The following MBNL3 variants were observed in gnomAD, a reference collection of about 807,000 sequenced individuals.
The protein encoded by MBNL3 is muscleblind like splicing regulator 3.
A neutral mutation model predicts 24.5 loss-of-function variants in MBNL3; 6 were observed. The observed-to-expected ratio is 0.25, with a 90% CI of 0.13 to 0.48. The LOEUF is 0.48. Ranked by LOEUF, MBNL3 falls within the 20% of genes least tolerant of loss-of-function variation. The probability of loss-of-function intolerance (pLI) is 0.99; values close to 1 mark genes in which losing one functional copy is unlikely to be tolerated. For missense variants in MBNL3, 230 were observed against 293.5 expected (o/e 0.78, Z 1.58); for synonymous variants, 100 against 101.7 (o/e 0.98, Z 0.10).
chrX:132,401,971 G>A (rs1267347362), intron 3 of MBNL3, among the ~76,000 whole-genome samples: 2 of 111,455 alleles, frequency 1.8e-5, no homozygotes, highest in African/African-American at 3.3e-5. Flanking sequence ...AAGGTGGAGA[G>A]GGATCCAGGC....
chrX:132,404,871 G>A (rs1941529200), intron 3 of MBNL3, among the ~76,000 whole-genome samples: 1 of 111,506 alleles, frequency 9.0e-6, no homozygotes, highest in African/African-American at 3.3e-5. Context: ...TTGTATCACT[G>A]ATTAAATGGG....
At chrX:132,403,410 C>T (rs1407280515) in intron 3 of MBNL3, among the ~76,000 whole-genome samples, 1 of 111,598 alleles carries the variant, frequency 9.0e-6, no homozygotes, top group African/African-American at 3.3e-5. Flanking sequence ...CAATTGTTCC[C>T]TTGGGTCTTC....
chrX:132,486,804 G>A (rs757609153), intron 1 of MBNL3, among the ~76,000 whole-genome samples: 3 of 111,815 alleles, frequency 2.7e-5, no homozygotes, highest in Non-Finnish European at 5.6e-5. Context: ...AAAAGCAGCT[G>A]TTGTGAAATG....
intron 3 of MBNL3, among the ~76,000 whole-genome samples, chrX:132,402,531 G>A (rs1941112268): frequency 1.8e-5 from 2 of 111,565 alleles, no homozygotes; most frequent in Non-Finnish European, 3.8e-5. Context: ...ATTATGGCAA[G>A]GGGATACTTC....
At chrX:132,464,118 C>A (rs980654842) in intron 1 of MBNL3, among the ~76,000 whole-genome samples, 1 of 112,404 alleles carries the variant, frequency 8.9e-6, no homozygotes, top group Non-Finnish European at 1.9e-5. Flanking sequence ...ATTTTTTAAT[C>A]ATGGTTACTA....
intron 1 of MBNL3, among the ~76,000 whole-genome samples, chrX:132,468,606 C>T (rs1947011349): frequency 8.9e-6 from 1 of 112,311 alleles, no homozygotes. Flanking sequence ...TCATTTACTG[C>T]TCATAACTAC....
At chrX:132,443,984 T>G (rs1945534363) in intron 1 of MBNL3, among the ~76,000 whole-genome samples, 2 of 6,149 alleles carry the variant, frequency 3.3e-4, no homozygotes, top group African/African-American at 1.2e-3. Context: ...GACTCCAGAG[T>G]CCGCCCCCCC....
chrX:132,388,330 A>G (rs1004412079), intron 5 of MBNL3, among the ~76,000 whole-genome samples: 2 of 112,454 alleles, frequency 1.8e-5, no homozygotes, highest in Admixed American at 9.4e-5. Context: ...AAAATCATAA[A>G]CCATAAAACA....
In MBNL3 at chrX:132,390,346, G is replaced by C. The variant is rs372341281; in HGVS notation, c.771+501C>G. Among the ~76,000 whole-genome samples the C allele has an allele frequency of 6.5e-5, 7 of 107,075 alleles. No individual in the cohort carries two copies. In the East Asian group the frequency reaches 1.5e-3, roughly 22 times the overall value. The allele number at this position is 107,075 out of a possible 115,157, so 93.0% of individuals were successfully genotyped here. On this transcript the variant is annotated intron_variant, in intron 5 of 8. Coordinates refer to ENST00000370853, the MANE Select transcript of MBNL3 (RefSeq NM_001386889.1). ...TAGAAATTTCCCCCCAGACTAAGCA[G>C]GCTGCTGTCCTTGATACTATGCCTC...
intron 1 of MBNL3, among the ~76,000 whole-genome samples, chrX:132,473,640 C>T (rs1000002499): frequency 9.0e-6 from 1 of 110,663 alleles, no homozygotes; most frequent in African/African-American, 3.3e-5. Flanking sequence ...ACAAAAAAAA[C>T]CCATATGTAT....
intron 1 of MBNL3, among the ~76,000 whole-genome samples, chrX:132,459,447 A>G (rs1384568135): frequency 2.7e-5 from 3 of 111,550 alleles, no homozygotes; most frequent in African/African-American, 9.8e-5. Flanking sequence ...CTTCCTTAGA[A>G]TGGGAGAAAT....
In MBNL3 at chrX:132,439,557, C is replaced by T; in HGVS notation, c.55G>A (p.Val19Ile). 1 of 1,206,998 alleles carries T rather than the reference C, an allele frequency of 8.3e-7. No homozygotes were observed. The highest frequency in any genetic ancestry group is 1.1e-6 in the Non-Finnish European group (1 of 893,971). The change falls in exon 2 of 9, where the codon GTC (valine) becomes ATC (isoleucine). Residue 19 changes from valine to isoleucine, a missense_variant. Physicochemically the swap from Val to Ile is conservative, Grantham distance 29. Coordinates refer to ENST00000370853, the MANE Select transcript of MBNL3 (RefSeq NM_001386889.1). ...GTTCCTCTCTGAAATTCTCTACAGA[C>T]TTCTAAAGTCAGCCACTTGGTATCA... ...IRDTKWLTLE[V>I]CREFQRGTCS...
At chrX:132,417,788 AT>A (rs1382038736) in intron 2 of MBNL3, among the ~76,000 whole-genome samples, 2 of 112,102 alleles carry the variant, frequency 1.8e-5, no homozygotes, top group South Asian at 3.8e-4. Context: ...TGAAAAAAAA[AT>A]AAGTCAGTTT....
intron 1 of MBNL3, among the ~76,000 whole-genome samples, chrX:132,484,711 C>T (rs1283650688): frequency 9.0e-6 from 1 of 111,568 alleles, no homozygotes; most frequent in African/African-American, 3.3e-5. Context: ...ATGGGAGGCC[C>T]TTTATTTCTA....
chrX:132,391,099 T>G lies in MBNL3; in HGVS notation c.535-16A>C. 2.6e-6 allele frequency: 3 copies of G among 1,153,036 alleles called. No individual in the cohort carries two copies. Among genetic ancestry groups the G allele is most frequent in the Non-Finnish European group, 3.6e-6 (3 of 844,615 alleles). ...CTCGGCAAACCTTAGAACACACACA[T>G]GCACATACACACGCATCACACTGAT... On this transcript the variant is annotated splice_polypyrimidine_tract_variant and intron_variant, in intron 4 of 8. Coordinates refer to ENST00000370853, the MANE Select transcript of MBNL3 (RefSeq NM_001386889.1).
intron 2 of MBNL3, chrX:132,413,475 C>T (rs752596185): frequency 1.5e-4 from 174 of 1,156,286 alleles, no homozygotes; most frequent in Non-Finnish European, 1.9e-4. Context: ...CCCATTTTAC[C>T]TCTTTACCTT....
intron 3 of MBNL3, among the ~76,000 whole-genome samples, chrX:132,394,133 C>A (rs144326936): frequency 1.9e-3 from 208 of 111,304 alleles, no homozygotes; most frequent in African/African-American, 6.6e-3. Flanking sequence ...TTGCCAAGAG[C>A]CTTAAGTGGA....
At chrX:132,421,111 G>C (rs1437002735) in intron 2 of MBNL3, among the ~76,000 whole-genome samples, 5 of 111,551 alleles carry the variant, frequency 4.5e-5, no homozygotes, top group Non-Finnish European at 9.4e-5. Context: ...AACTTCTCTA[G>C]AAATAATTCC....
rs956863517 is a variant in MBNL3 at position 132,480,760 on chromosome X, A to T, written c.-704+8091T>A. 5.4e-5 allele frequency among the ~76,000 whole-genome samples: 6 copies of T among 111,445 alleles called. No homozygotes were observed. In the Admixed American group the frequency reaches 5.7e-4, roughly 11 times the overall value. On this transcript the variant is annotated intron_variant, in intron 1 of 8. Transcript: ENST00000370853. Reference sequence around the variant, plus strand: ...TTAATGAATGGTCCTCTCTCCGTGGATTTGGACTGTTGGTCCTTCCAACCA... The same window carrying T: ...TTAATGAATGGTCCTCTCTCCGTGGTTTTGGACTGTTGGTCCTTCCAACCA...
Sources: allele counts gnomAD v4.1 joint callset (sites outside exome capture counted in the v4.1 genomes callset), GRCh38; gene constraint gnomAD v4.1.1; transcripts MANE v1.5; gene names NCBI Gene and HGNC (gene_info 2026-07-23, HGNC 2026-07-21).